Variants in COG6 observed in about 807,000 individuals in gnomAD.
COG6 encodes component of oligomeric golgi complex 6.
COG6 carries 74 observed loss-of-function variants against 88.8 expected under a neutral mutation model. That is an observed-to-expected ratio of 0.83 (90% CI 0.69 to 1.01). The LOEUF (loss-of-function observed/expected upper bound fraction) is 1.01, where lower values mean the gene tolerates loss of function less well. COG6 is among the 50% of genes least tolerant of loss of function. COG6 has a pLI of 0.00. For missense variants in COG6, 800 were observed against 797.9 expected, an observed-to-expected ratio of 1.00 and a Z score of -0.03; for synonymous variants, 286 against 278.7, an observed-to-expected ratio of 1.03 and a Z score of -0.26.
chr13:39,719,371 T>C lies in COG6; in HGVS notation c.1416+4T>C. On this transcript the variant is annotated splice_donor_region_variant and intron_variant, in intron 14 of 18. Coordinates refer to ENST00000455146, the MANE Select transcript of COG6 (RefSeq NM_020751.3). ...TCGTCAAGCTGATTTTGTGCAGGTA[T>C]GTTATAAATTCATTTTTAATGATTG... The C allele has an allele frequency of 6.2e-7, 1 of 1,611,602 alleles. No individual in the cohort carries two copies. The highest frequency in any genetic ancestry group is 8.5e-7 in the Non-Finnish European group (1 of 1,178,518).
At chr13:39,719,913 T>C in intron 15 of COG6, 86 bp downstream of exon 15, 1 of 1,013,030 alleles carries the variant, frequency 9.9e-7, no homozygotes, top group South Asian at 1.3e-5. Flanking sequence ...TAACTAGTTT[T>C]AATGACCTAA....
intron 18 of COG6, among the ~76,000 whole-genome samples, chr13:39,742,953 C>T (rs1880130656): frequency 6.6e-6 from 1 of 152,194 alleles, no homozygotes; most frequent in Non-Finnish European, 1.5e-5. Context: ...AAGAAACTCA[C>T]TCAAAACTGC....
chr13:39,753,166 G>C (rs1358162947), downstream of COG6, among the ~76,000 whole-genome samples: 4 of 152,122 alleles, frequency 2.6e-5, no homozygotes, highest in Non-Finnish European at 5.9e-5. Context: ...TTAGGAGGTG[G>C]GTCCTTTGAG....
At chr13:39,761,767 G>GAAA (rs200459463) in intron 18 of COG6, among the ~76,000 whole-genome samples, 183 of 136,702 alleles carry the variant, frequency 1.3e-3, no homozygotes, top group African/African-American at 4.4e-3. Flanking sequence ...ACAGGTATAT[G>GAAA]AAAAAAAAAA....
At chr13:39,687,475 C>G in intron 8 of COG6, 28 bp from the exon 9 acceptor site, 1 of 1,606,212 alleles carries the variant, frequency 6.2e-7, no homozygotes, top group Non-Finnish European at 8.5e-7. Flanking sequence ...CAACCCCAAC[C>G]ATTTTTTATA....
intron 18 of COG6, among the ~76,000 whole-genome samples, chr13:39,763,249 G>A (rs961861330): frequency 4.6e-5 from 7 of 151,604 alleles, no homozygotes; most frequent in Non-Finnish European, 7.4e-5. Flanking sequence ...CGTTATTTGT[G>A]TATTATTTTG....
At chr13:39,720,099 T>C (rs1436726885) in intron 15 of COG6, among the ~76,000 whole-genome samples, 2 of 151,886 alleles carry the variant, frequency 1.3e-5, no homozygotes, top group African/African-American at 2.4e-5. Flanking sequence ...ATTCATACCA[T>C]AATATGTGAT....
rs776252594 is a variant in COG6, at chr13:39,723,371, C to G, written c.1623C>G (p.Ala541=). The G allele has an allele frequency of 6.2e-7, 1 of 1,611,440 alleles. No individual in the cohort carries two copies. The highest frequency in any genetic ancestry group is 1.1e-5 in the South Asian group (1 of 91,048). Residue 541 remains alanine (A), a synonymous_variant, in exon 16 of 19, where the codon GCC becomes GCG. Coordinates refer to ENST00000455146, the MANE Select transcript of COG6 (RefSeq NM_020751.3). ...TGGACACACTTATAAATGAGCAAGC[C>G]TCTTATGTTTTAACTAGGGTAGGCT... The part of the protein sequence containing the change: ...AHLDTLINEQ[A]SYVLTRVGLS...
chr13:39,656,338 G>C (rs1874495244), intron 1 of COG6: 4 of 360,078 alleles, frequency 1.1e-5, no homozygotes, highest in African/African-American at 6.4e-5. Flanking sequence ...GCATTTCCAC[G>C]GACAAGTGAC....
intron 18 of COG6, among the ~76,000 whole-genome samples, chr13:39,783,533 G>A (rs989181368): frequency 1.3e-5 from 2 of 152,016 alleles, no homozygotes; most frequent in African/African-American, 2.4e-5. Flanking sequence ...TTAGAGTCAA[G>A]CACTGTATCT....
chr13:39,683,677 C>G (rs1016630260), intron 8 of COG6, among the ~76,000 whole-genome samples: 4 of 151,538 alleles, frequency 2.6e-5, no homozygotes, highest in Admixed American at 6.6e-5. Flanking sequence ...AAACATTTGG[C>G]GTTTGATTTT....
chr13:39,687,933 C>A (rs1876761152), intron 10 of COG6, 134 bp downstream of exon 10: 1 of 708,716 alleles, frequency 1.4e-6, no homozygotes, highest in South Asian at 1.5e-5. Context: ...ATTACTCTTT[C>A]TCTTCTCTAG....
At chr13:39,744,379 T>G (rs1314336970) in intron 18 of COG6, among the ~76,000 whole-genome samples, 1 of 152,216 alleles carries the variant, frequency 6.6e-6, no homozygotes, top group Non-Finnish European at 1.5e-5. Flanking sequence ...CAAAATCTCC[T>G]TACGCTGACA....
intron 4 of COG6, among the ~76,000 whole-genome samples, chr13:39,667,842 G>C (rs778825039): frequency 4.6e-5 from 7 of 152,094 alleles, no homozygotes; most frequent in Admixed American, 1.3e-4. Flanking sequence ...GGACATGATG[G>C]CTGTCTTCAA....
At chr13:39,765,219 A>G (rs1881130443) in intron 18 of COG6, among the ~76,000 whole-genome samples, 2 of 152,166 alleles carry the variant, frequency 1.3e-5, no homozygotes, top group South Asian at 2.1e-4. Flanking sequence ...TCTGTCTCCT[A>G]TTCCACAGTT....
At chr13:39,740,209 A>G (rs1317610604) in intron 18 of COG6, among the ~76,000 whole-genome samples, 2 of 152,252 alleles carry the variant, frequency 1.3e-5, no homozygotes, top group Non-Finnish European at 2.9e-5. Context: ...GAATCATTTC[A>G]TTAAATATGT....
chr13:39,707,032 A>G (rs900544481), intron 13 of COG6, among the ~76,000 whole-genome samples: 1 of 152,050 alleles, frequency 6.6e-6, no homozygotes, highest in South Asian at 2.1e-4. Flanking sequence ...CAACTTTGTC[A>G]CTTAGAAAAT....
chr13:39,738,777 G>T (rs990337448), intron 18 of COG6, among the ~76,000 whole-genome samples: 5 of 152,084 alleles, frequency 3.3e-5, no homozygotes, highest in African/African-American at 1.2e-4. Context: ...ACTACAGACA[G>T]ATAATAATAC....
chr13:39,714,494 A>G (rs35301468), intron 13 of COG6, among the ~76,000 whole-genome samples: 11 of 152,210 alleles, frequency 7.2e-5, no homozygotes, highest in Non-Finnish European at 1.5e-4. Context: ...AAAAGAAGAT[A>G]TACAGATGGC....
Sources: allele counts gnomAD v4.1 joint callset (sites outside exome capture counted in the v4.1 genomes callset), GRCh38; gene constraint gnomAD v4.1.1; transcripts MANE v1.5; gene names NCBI Gene and HGNC (gene_info 2026-07-23, HGNC 2026-07-21).